The following SH2B3 variants were observed in gnomAD, a reference collection of about 807,000 sequenced individuals.
SH2B3 encodes SH2B adapter protein 3.
SH2B3 carries 43 observed loss-of-function variants against 51.9 expected under a neutral mutation model. That is an observed-to-expected ratio of 0.83 (90% CI 0.65 to 1.07). The LOEUF is 1.07. Among genes scored for constraint, SH2B3 ranks in the 50% least tolerant of loss-of-function variants. The probability of loss-of-function intolerance (pLI) is 0.00; values close to 1 mark genes in which losing one functional copy is unlikely to be tolerated. For synonymous variants in SH2B3, 396 were observed against 376.0 expected (o/e 1.05, Z -0.62); for missense variants, 952 against 834.3 (o/e 1.14, Z -1.74).
chr12:111,428,217 G>A (rs1056897598), intron 2 of SH2B3, among the ~76,000 whole-genome samples: 1 of 152,226 alleles, frequency 6.6e-6, no homozygotes, highest in African/African-American at 2.4e-5. Flanking sequence ...AGAGGACTCT[G>A]CCTGGCACAT....
chr12:111,426,385 C>CTTT (rs796965805), intron 2 of SH2B3, among the ~76,000 whole-genome samples: 4 of 136,054 alleles, frequency 2.9e-5, no homozygotes, highest in African/African-American at 5.5e-5. Context: ...TTTCTTTTAT[C>CTTT]TTTTTTTTTT....
In SH2B3 at chr12:111,435,289, G is replaced by A. The variant is rs1234820454; in HGVS notation, c.733-11464G>A. Among the ~76,000 whole-genome samples, 4 of 152,210 alleles carry A rather than the reference G, an allele frequency of 2.6e-5. No homozygotes were observed. The highest frequency in any genetic ancestry group is 9.6e-5 in the African/African-American group (4 of 41,454). On this transcript the variant is annotated intron_variant, in intron 2 of 7. Coordinates refer to ENST00000341259, the MANE Select transcript of SH2B3 (RefSeq NM_005475.3). The surrounding 1 kb of genome is among the most constrained non-coding windows in gnomAD (Gnocchi z 4.8). Reference sequence around the variant, plus strand: ...CCTGGCCCCACTGGTGTGTGCTACAGTAGACCCAGCCCTGGGGCCCCATGA... The same window carrying A: ...CCTGGCCCCACTGGTGTGTGCTACAATAGACCCAGCCCTGGGGCCCCATGA...
chr12:111,448,520 G>C lies in SH2B3; in HGVS notation c.*218G>C. 1.8e-6 allele frequency: 1 copy of C among 568,218 alleles called. No individual in the cohort carries two copies. The highest frequency in any genetic ancestry group is 3.1e-6 in the Non-Finnish European group (1 of 320,578). The allele number at this position is 568,218 out of a possible 1,614,324, so 35.2% of individuals were successfully genotyped here. A position where few individuals can be genotyped will look rare whatever the true frequency, so the allele number is the denominator to read the frequency against. ...CCTGGCTTTCTCCTTATTGTTTACA[G>C]ATGTAGTTCTTGTTAGAGGATGCCG... On this transcript the variant is annotated 3_prime_UTR_variant, in exon 8 of 8. Coordinates refer to ENST00000341259, the MANE Select transcript of SH2B3 (RefSeq NM_005475.3).
chr12:111,430,277 C>T (rs917780102), intron 2 of SH2B3, among the ~76,000 whole-genome samples: 3 of 152,196 alleles, frequency 2.0e-5, no homozygotes, highest in African/African-American at 7.2e-5. Context: ...CATGCAAAAT[C>T]GTTTTTGAAA....
At chr12:111,442,401 G>C (rs1873504369) in intron 2 of SH2B3, among the ~76,000 whole-genome samples, 1 of 152,212 alleles carries the variant, frequency 6.6e-6, no homozygotes, top group Non-Finnish European at 1.5e-5. Flanking sequence ...ATGCCTCCTT[G>C]AGGGCATAGG....
upstream of SH2B3, among the ~76,000 whole-genome samples, chr12:111,405,415 G>A (rs781644347): frequency 2.0e-5 from 3 of 152,216 alleles, no homozygotes; most frequent in Non-Finnish European, 2.9e-5. This position sits in a 1 kb window ranked among gnomAD's most constrained non-coding sequence, Gnocchi z 5.4. Flanking sequence ...GAAAGCCGTG[G>A]TCGCTATTGC....
Position 111,427,388 on chromosome 12 carries a change from GAAAAAAAAAAAAAA to G in SH2B3, c.732+8528_732+8541del, listed in dbSNP as rs557658468. 3.4e-4 allele frequency among the ~76,000 whole-genome samples: 28 copies of G among 83,042 alleles called. No individual in the cohort carries two copies. The South Asian group carries it at 7.4e-3, about 22-fold the overall frequency. 54.5% of individuals were successfully genotyped at this position (83,042 alleles called of 152,430 possible). A position where few individuals can be genotyped will look rare whatever the true frequency, so the allele number is the denominator to read the frequency against. On this transcript the variant is annotated intron_variant, in intron 2 of 7. Coordinates refer to ENST00000341259, the MANE Select transcript of SH2B3 (RefSeq NM_005475.3). Reference sequence around the variant, plus strand: ...GCGACAGAGCAAGACTCCATCTCAGGAAAAAAAAAAAAAAAAAAAAAAAAAAAAAATCAGAGGAT... The same window carrying G: ...GCGACAGAGCAAGACTCCATCTCAGGAAAAAAAAAAAAAAAATCAGAGGAT...
rs1375720315 is a variant in SH2B3 at position 111,409,522 on chromosome 12, T to C, written c.-28+3245T>C. On this transcript the variant is annotated intron_variant, in intron 1 of 7. Transcript: ENST00000341259. This position sits in a 1 kb window ranked among gnomAD's most constrained non-coding sequence, Gnocchi z 4.0. ...CTCGGCGAGTCCAGAGGTGCAGTGC[T>C]AGCTGCTCATTCCCTGCAAGGCCCC... is the stretch of plus-strand genomic sequence containing the variant. Among the ~76,000 whole-genome samples, 2 of 152,170 alleles carry C rather than the reference T, an allele frequency of 1.3e-5. No individual in the cohort carries two copies. The highest frequency in any genetic ancestry group is 2.4e-5 in the African/African-American group (1 of 41,454).
chr12:111,418,478 C>G lies in SH2B3; in HGVS notation c.333C>G (p.Ala111=). ...CCCCGGAGCCAGGCCCCGGCCCCGC[C>G]GCCCCTGGCCTGCCCAAGGCCCGCA... The part of the protein sequence containing the change: ...EASPEPGPGP[A]APGLPKARSS... The change falls in exon 2 of 8, where the codon GCC becomes GCG. Residue 111 remains alanine, a synonymous_variant. Transcript: ENST00000341259. The surrounding 1 kb of genome is among the most constrained non-coding windows in gnomAD (Gnocchi z 6.7). The G allele has an allele frequency of 7.4e-7, 1 of 1,351,184 alleles. No individual in the cohort carries two copies. The highest frequency in any genetic ancestry group is 9.5e-7 in the Non-Finnish European group (1 of 1,057,266). The allele number at this position is 1,351,184 out of a possible 1,614,324, so 83.7% of individuals were successfully genotyped here.
chr12:111,447,995 C>T lies in SH2B3; in HGVS notation c.1421C>T (p.Thr474Met), dbSNP rs200567433. Residue 474 changes from threonine (T) to methionine (M), a missense_variant, in exon 8 of 8, where the codon ACG (threonine) becomes ATG (methionine). Thr to Met is a moderately conservative substitution (Grantham distance 81). Coordinates refer to ENST00000341259, the MANE Select transcript of SH2B3 (RefSeq NM_005475.3). ...VVSQPPGSCNTVLFPFSLPHW... is the reference protein window; with the variant it reads ...VVSQPPGSCNMVLFPFSLPHW... ...TCACTTGTCCTAGGTTCCTGCAACA[C>T]GGTCCTCTTCCCTTTCTCCCTTCCT... is the stretch of plus-strand genomic sequence containing the variant. 145 of 1,608,428 alleles carry T rather than the reference C, an allele frequency of 9.0e-5. 1 individual carries two copies. Among genetic ancestry groups the T allele is most frequent in the Middle Eastern group, 1.6e-4 (1 of 6,070 alleles).
chr12:111,410,914 A>C lies in SH2B3; in HGVS notation c.-28+4637A>C, dbSNP rs1380905634. ...AGTTGGTGCTAGGCATGGGGAAGAT[A>C]GAAATGTTCCTTGTGGCCTAGATTC... is the stretch of plus-strand genomic sequence containing the variant. On this transcript the variant is annotated intron_variant, in intron 1 of 7. Coordinates refer to ENST00000341259, the MANE Select transcript of SH2B3 (RefSeq NM_005475.3). This position sits in a 1 kb window ranked among gnomAD's most constrained non-coding sequence, Gnocchi z 4.9. Among the ~76,000 whole-genome samples the C allele has an allele frequency of 6.6e-6, 1 of 152,224 alleles. No homozygotes were observed. The highest frequency in any genetic ancestry group is 2.4e-5 in the African/African-American group (1 of 41,456).
In SH2B3 at chr12:111,424,889, C is replaced by T. The variant is rs4766461; in HGVS notation, c.732+6012C>T. Among the ~76,000 whole-genome samples, 1,429 of 152,268 alleles carry T rather than the reference C, an allele frequency of 9.4e-3. 82 individuals carry two copies. Among genetic ancestry groups the T allele is most frequent in the Admixed American group, 0.085 (1,304 of 15,290 alleles). On this transcript the variant is annotated intron_variant, in intron 2 of 7. Transcript: ENST00000341259. The stretch of plus-strand genomic sequence containing the variant: ...AGTTCTGACAACCAGTGGGTGGTGG[C>T]GAAGGGCTTAAGCTTTGGATCTGCA...
At chr12:111,433,814 A>G (rs1217592346) in intron 2 of SH2B3, among the ~76,000 whole-genome samples, 2 of 152,238 alleles carry the variant, frequency 1.3e-5, no homozygotes, top group Non-Finnish European at 2.9e-5. Context: ...GGGTTTCACC[A>G]TATTTCCCAG....
chr12:111,418,590 C>T lies in SH2B3; in HGVS notation c.445C>T (p.Arg149Cys), dbSNP rs1194532448. Reference protein sequence around the residue: ...RRSLRHIFRRRSAGELPAAHT... With the variant: ...RRSLRHIFRRCSAGELPAAHT... ...CAGCCTCCGCCACATCTTCCGCCGC[C>T]GCTCGGCCGGGGAGCTGCCAGCGGC... Residue 149 changes from arginine to cysteine, a missense_variant, in exon 2 of 8, where the codon CGC (arginine) becomes TGC (cysteine). Arg to Cys is a radical substitution (Grantham distance 180, BLOSUM62 -3). Transcript: ENST00000341259. This position sits in a 1 kb window ranked among gnomAD's most constrained non-coding sequence, Gnocchi z 6.7. 11 of 1,490,046 alleles carry T rather than the reference C, an allele frequency of 7.4e-6. No individual in the cohort carries two copies. Among genetic ancestry groups the T allele is most frequent in the Non-Finnish European group, 9.8e-6 (11 of 1,127,254 alleles). 92.3% of individuals were successfully genotyped at this position (1,490,046 alleles called of 1,614,324 possible).
rs150812239 is a variant in SH2B3, at chr12:111,432,819, G to A, written c.733-13934G>A. On this transcript the variant is annotated intron_variant, in intron 2 of 7. Transcript: ENST00000341259. ...TAGCATCATGTTTTCCAGGTTCACC[G>A]AAGTTACAGCATGTATTTTGTTCCT... Among the ~76,000 whole-genome samples, 593 of 152,290 alleles carry A rather than the reference G, an allele frequency of 3.9e-3. 2 individuals carry two copies. Among genetic ancestry groups the A allele is most frequent in the African/African-American group, 0.013 (547 of 41,546 alleles).
intron 2 of SH2B3, among the ~76,000 whole-genome samples, chr12:111,425,039 G>T (rs1871880607): frequency 6.6e-6 from 1 of 152,010 alleles, no homozygotes; most frequent in African/African-American, 2.4e-5. Context: ...GCCAAGAGAA[G>T]GCAGCTGCCC....
chr12:111,442,296 C>T (rs1593069908), intron 2 of SH2B3, among the ~76,000 whole-genome samples: 1 of 152,154 alleles, frequency 6.6e-6, no homozygotes, highest in East Asian at 1.9e-4. Flanking sequence ...GCAAACTGAA[C>T]CTCCAGTTAG....
upstream of SH2B3, chr12:111,405,870 T>G (rs1353226397): frequency 6.6e-6 from 1 of 151,586 alleles, no homozygotes; most frequent in Non-Finnish European, 1.5e-5. The surrounding 1 kb of genome is among the most constrained non-coding windows in gnomAD (Gnocchi z 5.4). Context: ...GCCCCGCCCC[T>G]GTCGCGGCCG....
chr12:111,435,116 G>T lies in SH2B3; in HGVS notation c.733-11637G>T, dbSNP rs746842954. On this transcript the variant is annotated intron_variant, in intron 2 of 7. Coordinates refer to ENST00000341259, the MANE Select transcript of SH2B3 (RefSeq NM_005475.3). The surrounding 1 kb of genome is among the most constrained non-coding windows in gnomAD (Gnocchi z 4.8). ...CTGGTGCACTCTCCCCACCCGAGAC[G>T]GGCGACAGAGGTTTTTTGTTGTTTC... 4 of 1,039,608 alleles carry T rather than the reference G, an allele frequency of 3.8e-6. No individual in the cohort carries two copies. In the African/African-American group the frequency reaches 6.4e-5, roughly 17 times the overall value. The allele number at this position is 1,039,608 out of a possible 1,614,324, so 64.4% of individuals were successfully genotyped here.
Sources: allele counts gnomAD v4.1 joint callset (sites outside exome capture counted in the v4.1 genomes callset), GRCh38; gene constraint gnomAD v4.1.1; non-coding constraint Gnocchi (gnomAD v3.1); transcripts MANE v1.5; gene names NCBI Gene and HGNC (gene_info 2026-07-23, HGNC 2026-07-21).